The following DROSHA variants were observed in gnomAD, a reference collection of about 807,000 sequenced individuals.
DROSHA encodes the protein drosha ribonuclease III.
In DROSHA, 56 loss-of-function variants were observed where a neutral mutation model predicts 181.9. The observed-to-expected ratio is 0.31, with a 90% CI of 0.25 to 0.38. The LOEUF is 0.38. Ranked by LOEUF, DROSHA falls within the 10% of genes least tolerant of loss-of-function variation. The pLI, the probability that DROSHA is intolerant of heterozygous loss-of-function variation, is 1.00. For synonymous variants in DROSHA, 524 were observed against 591.2 expected, an observed-to-expected ratio of 0.89 and a Z score of 1.65; for missense variants, 1,218 against 1,743.5, an observed-to-expected ratio of 0.70 and a Z score of 5.37.
At chr5:31,507,879 C>T (rs1021661901) in intron 10 of DROSHA, among the ~76,000 whole-genome samples, 2 of 152,066 alleles carry the variant, frequency 1.3e-5, no homozygotes, top group African/African-American at 4.8e-5. Flanking sequence ...AAGGAACACA[C>T]AAAATACATT....
At chr5:31,523,496 T>C (rs1163924709) in intron 5 of DROSHA, among the ~76,000 whole-genome samples, 1 of 152,126 alleles carries the variant, frequency 6.6e-6, no homozygotes, top group Non-Finnish European at 1.5e-5. Context: ...AGCAGAGCCC[T>C]GACAACTCCT....
chr5:31,513,030 C>T (rs1257934532), intron 8 of DROSHA, among the ~76,000 whole-genome samples: 7 of 152,140 alleles, frequency 4.6e-5, no homozygotes, highest in African/African-American at 7.2e-5. Context: ...CAAATGTGTG[C>T]GGTTTCAAGC....
intron 27 of DROSHA, among the ~76,000 whole-genome samples, chr5:31,425,417 A>C (rs961596916): frequency 6.6e-6 from 1 of 152,152 alleles, no homozygotes; most frequent in Admixed American, 6.6e-5. Context: ...CCAATTCAGA[A>C]ATCTTTCCTT....
At chr5:31,476,983 A>C (rs1372043255) in intron 16 of DROSHA, among the ~76,000 whole-genome samples, 1 of 152,174 alleles carries the variant, frequency 6.6e-6, no homozygotes. Flanking sequence ...GAGGGCTAGG[A>C]AGTAATTTTT....
At chr5:31,407,223 G>A (rs767500801) in intron 33 of DROSHA, among the ~76,000 whole-genome samples, 5 of 152,190 alleles carry the variant, frequency 3.3e-5, no homozygotes, top group Non-Finnish European at 7.3e-5. Context: ...TAACAGTGAA[G>A]TGTAAAATAT....
intron 20 of DROSHA, among the ~76,000 whole-genome samples, chr5:31,457,281 T>C (rs2150019871): frequency 6.6e-6 from 1 of 151,776 alleles, no homozygotes; most frequent in African/African-American, 2.4e-5. Context: ...ACACCACCAC[T>C]CCCGGCTAAT....
intron 11 of DROSHA, among the ~76,000 whole-genome samples, chr5:31,499,994 G>A (rs1338098404): frequency 6.6e-6 from 1 of 152,186 alleles, no homozygotes; most frequent in Non-Finnish European, 1.5e-5. Context: ...ATTAGCCACA[G>A]TCAGGGCCCA....
At chr5:31,443,950 T>C (rs996838030) in intron 23 of DROSHA, among the ~76,000 whole-genome samples, 5 of 152,324 alleles carry the variant, frequency 3.3e-5, no homozygotes, top group African/African-American at 1.2e-4. Flanking sequence ...GGTAGGACCA[T>C]AGCCCTTCAA....
At position 31,522,710 on chromosome 5, in the gene DROSHA, T is replaced by C. The variant is rs80018580; in HGVS notation, c.855-1495A>G. Among the ~76,000 whole-genome samples the C allele has an allele frequency of 2.0e-3, 302 of 152,332 alleles. 1 individual carries two copies. The highest frequency in any genetic ancestry group is 7.0e-3 in the African/African-American group (289 of 41,576). ...AGTTCTCCAGTAGCTACACATTTAC[T>C]GTCACAAGGTCAGCCATGAGAATTC... On this transcript the variant is annotated intron_variant, in intron 5 of 35. Transcript: ENST00000344624.
At chr5:31,426,625 A>G (rs1304248689) in intron 27 of DROSHA, among the ~76,000 whole-genome samples, 2 of 152,214 alleles carry the variant, frequency 1.3e-5, no homozygotes, top group Non-Finnish European at 2.9e-5. Flanking sequence ...CCAGAAACAT[A>G]CAAATAATAA....
At chr5:31,439,728 G>A (rs994133329) in intron 23 of DROSHA, among the ~76,000 whole-genome samples, 7 of 152,148 alleles carry the variant, frequency 4.6e-5, no homozygotes, top group African/African-American at 1.7e-4. Flanking sequence ...TGGAAGGATG[G>A]GGAGGGATGA....
chr5:31,459,304 G>T (rs1210935922), intron 20 of DROSHA, among the ~76,000 whole-genome samples: 1 of 151,664 alleles, frequency 6.6e-6, no homozygotes, highest in Non-Finnish European at 1.5e-5. Flanking sequence ...GAAGCAGGAG[G>T]GTTGCTTAAG....
At position 31,411,062 on chromosome 5, in the gene DROSHA, C is replaced by T. The variant is rs1466411249; in HGVS notation, c.3526-175G>A. Reference sequence around the variant, plus strand: ...AGTGATATGCTCCATGCCCATTTACCTTCTCCTTAATAACGTACTCCACTC... The same window carrying T: ...AGTGATATGCTCCATGCCCATTTACTTTCTCCTTAATAACGTACTCCACTC... On this transcript the variant is annotated intron_variant, in intron 30 of 35. Transcript: ENST00000344624. The surrounding 1 kb of genome is among the most constrained non-coding windows in gnomAD (Gnocchi z 4.2). Among the ~76,000 whole-genome samples the T allele has an allele frequency of 4.6e-5, 7 of 152,142 alleles. No individual in the cohort carries two copies. The East Asian group carries it at 7.7e-4, about 17-fold the overall frequency.
intron 12 of DROSHA, among the ~76,000 whole-genome samples, chr5:31,494,155 A>T (rs933573632): frequency 6.6e-6 from 1 of 151,988 alleles, no homozygotes; most frequent in African/African-American, 2.4e-5. Flanking sequence ...TTTAGTAGAG[A>T]TGGGGTTCCA....
rs1156929193 is a variant in DROSHA, at chr5:31,486,450, A to AG, written c.1914+40dup. On this transcript the variant is annotated intron_variant, in intron 14 of 35. Transcript: ENST00000344624. ...AAAATAGTAGTATGGAACAAGCAAA[A>AG]GAGCAAACTACATCAAACCACACAC... The AG allele has an allele frequency of 1.9e-6, 3 of 1,600,708 alleles. No individual in the cohort carries two copies. The Admixed American group carries it at 5.2e-5, about 28-fold the overall frequency.
intron 17 of DROSHA, among the ~76,000 whole-genome samples, chr5:31,469,883 T>C (rs76931101): frequency 3.4e-4 from 52 of 152,334 alleles, no homozygotes; most frequent in Non-Finnish European, 6.6e-4. Flanking sequence ...TGCAGCAATA[T>C]AGTATTTAAA....
At chr5:31,429,877 TTC>T (rs555842910) in intron 26 of DROSHA, among the ~76,000 whole-genome samples, 151 of 152,326 alleles carry the variant, frequency 9.9e-4, no homozygotes, top group Non-Finnish European at 1.6e-3. Context: ...AAAGCAAATG[TTC>T]TGTTTTATTT....
At position 31,526,728 on chromosome 5, in the gene DROSHA, G is replaced by C. The variant is rs780968053; in HGVS notation, c.205C>G (p.Pro69Ala). The C allele has an allele frequency of 1.5e-5, 23 of 1,573,238 alleles. No homozygotes were observed. The Admixed American group carries it at 4.4e-4, about 30-fold the overall frequency. Residue 69 changes from proline (P) to alanine (A), a missense_variant, in exon 5 of 36, where the codon CCC (proline) becomes GCC (alanine). Physicochemically the swap from Pro to Ala is conservative, Grantham distance 27. This residue lies in a region of DROSHA where 536 missense variants were observed against 535.4 expected (regional missense o/e 1.00). Transcript: ENST00000344624. The part of the protein sequence containing the change: ...PSTTFSNSPA[P>A]NFLPPRPDFV... The stretch of plus-strand genomic sequence containing the variant: ...TCTGGTCGTGGAGGGAGAAAATTGG[G>C]GGCTGGAGAGTTTGAGAAAGTGGTG...
chr5:31,446,247 C>G (rs976577210), intron 23 of DROSHA, among the ~76,000 whole-genome samples: 1 of 151,552 alleles, frequency 6.6e-6, no homozygotes, highest in Non-Finnish European at 1.5e-5. Context: ...GACATCAAGA[C>G]CACCCTGGTT....
Sources: allele counts gnomAD v4.1 joint callset (sites outside exome capture counted in the v4.1 genomes callset), GRCh38; gene constraint gnomAD v4.1.1; regional missense constraint gnomAD v4.1.1; non-coding constraint Gnocchi (gnomAD v3.1); transcripts MANE v1.5; gene names NCBI Gene and HGNC (gene_info 2026-07-23, HGNC 2026-07-21).